PTPRN2: variants seen among roughly 807,000 people sequenced by gnomAD.
The protein encoded by PTPRN2 is protein tyrosine phosphatase receptor type N2.
A neutral mutation model predicts 118.8 loss-of-function variants in PTPRN2; 74 were observed. The observed-to-expected ratio is 0.62, with a 90% CI of 0.52 to 0.76. The LOEUF is 0.76. Among genes scored for constraint, PTPRN2 ranks in the 30% least tolerant of loss-of-function variants. PTPRN2 has a pLI of 0.00. For missense variants in PTPRN2, 1,481 were observed against 1,394.4 expected, an observed-to-expected ratio of 1.06 and a Z score of -0.99; for synonymous variants, 641 against 608.0, an observed-to-expected ratio of 1.05 and a Z score of -0.80.
chr7:157,942,316 C>T (rs939625312), intron 11 of PTPRN2, among the ~76,000 whole-genome samples: 8 of 152,182 alleles, frequency 5.3e-5, no homozygotes, highest in African/African-American at 7.2e-5. Flanking sequence ...TCAGAGCCCA[C>T]GGTGGGGTCC....
At position 158,043,139 on chromosome 7, in the gene PTPRN2, A is replaced by T. The variant is rs150554390; in HGVS notation, c.1723+38159T>A. On this transcript the variant is annotated intron_variant, in intron 11 of 22. Coordinates refer to ENST00000389418, the MANE Select transcript of PTPRN2 (RefSeq NM_002847.5). ...GGCAGGAGGATTACTTGAGCTCAGG[A>T]GTTCAACACCAGCCTCAGAAACATA... Among the ~76,000 whole-genome samples, 956 of 152,266 alleles carry T rather than the reference A, an allele frequency of 6.3e-3. 7 individuals carry two copies. The highest frequency in any genetic ancestry group is 0.024 in the Middle Eastern group (7 of 294).
chr7:158,173,387 A>G (rs1823892593), intron 5 of PTPRN2, among the ~76,000 whole-genome samples: 1 of 152,206 alleles, frequency 6.6e-6, no homozygotes, highest in African/African-American at 2.4e-5. Context: ...AGGTTCTGTG[A>G]TGCCCACCTG....
chr7:158,318,580 C>A (rs1279881416), intron 2 of PTPRN2, among the ~76,000 whole-genome samples: 1 of 152,210 alleles, frequency 6.6e-6, no homozygotes, highest in Non-Finnish European at 1.5e-5. Context: ...GCGGCCTCTT[C>A]CGATCCCTGA....
chr7:157,928,911 A>G (rs1354202702), intron 11 of PTPRN2, among the ~76,000 whole-genome samples: 1 of 151,718 alleles, frequency 6.6e-6, no homozygotes, highest in Non-Finnish European at 1.5e-5. Flanking sequence ...GGCCAGGCAG[A>G]GGGCTGGGAC....
At chr7:158,213,360 C>A (rs1348215354) in intron 3 of PTPRN2, among the ~76,000 whole-genome samples, 1 of 151,796 alleles carries the variant, frequency 6.6e-6, no homozygotes, top group African/African-American at 2.4e-5. Flanking sequence ...TTTTCACATG[C>A]AAATCTAGAT....
At chr7:157,540,827 T>C (rs1019783236) in intron 22 of PTPRN2, 42 bp from the exon 23 acceptor site, 3 of 1,468,898 alleles carry the variant, frequency 2.0e-6, no homozygotes, top group East Asian at 2.5e-5. Flanking sequence ...GAGAGCGGCG[T>C]CCCCCCGACT....
At chr7:158,167,590 T>C (rs936559754) in intron 5 of PTPRN2, among the ~76,000 whole-genome samples, 7 of 152,200 alleles carry the variant, frequency 4.6e-5, no homozygotes, top group Non-Finnish European at 7.4e-5. Flanking sequence ...TTTTAGTGTA[T>C]TCAGAGTTGT....
chr7:158,098,040 G>A (rs191667714), intron 10 of PTPRN2, among the ~76,000 whole-genome samples: 2 of 152,154 alleles, frequency 1.3e-5, no homozygotes, highest in Non-Finnish European at 2.9e-5. Context: ...ACCCCCGTCC[G>A]TCCCTCGAGC....
chr7:158,294,401 G>A (rs1245182112), intron 3 of PTPRN2, among the ~76,000 whole-genome samples: 1 of 152,160 alleles, frequency 6.6e-6, no homozygotes, highest in Non-Finnish European at 1.5e-5. Context: ...TTGTTTTCAT[G>A]TCTGGCTCCC....
intron 1 of PTPRN2, among the ~76,000 whole-genome samples, chr7:158,507,278 G>A (rs1394053271): frequency 1.3e-5 from 2 of 152,096 alleles, no homozygotes; most frequent in Non-Finnish European, 2.9e-5. Flanking sequence ...GCTGCAGTGT[G>A]CAGGAGACTG....
chr7:158,113,041 A>G (rs890484411), intron 9 of PTPRN2, among the ~76,000 whole-genome samples: 3 of 151,096 alleles, frequency 2.0e-5, no homozygotes, highest in African/African-American at 4.9e-5. Context: ...AGGGCCCCCC[A>G]GCATTGAGGG....
intron 12 of PTPRN2, among the ~76,000 whole-genome samples, chr7:157,810,062 G>T (rs1254342567): frequency 6.6e-6 from 1 of 152,216 alleles, no homozygotes; most frequent in East Asian, 1.9e-4. Context: ...CGGCAGAGAG[G>T]ACAGGGGAGC....
At chr7:158,165,187 T>A (rs1001881926) in intron 6 of PTPRN2, among the ~76,000 whole-genome samples, 42 of 22,808 alleles carry the variant, frequency 1.8e-3, no homozygotes, top group Non-Finnish European at 4.7e-3. Flanking sequence ...CCCACGAAAG[T>A]GCAGGAGGCA....
intron 2 of PTPRN2, among the ~76,000 whole-genome samples, chr7:158,403,463 A>G (rs1023458683): frequency 6.6e-6 from 1 of 152,236 alleles, no homozygotes; most frequent in Non-Finnish European, 1.5e-5. Flanking sequence ...TCGTTCTGCA[A>G]CAGCTCCCAG....
At chr7:158,272,291 T>C (rs1798565698) in intron 3 of PTPRN2, among the ~76,000 whole-genome samples, 1 of 152,208 alleles carries the variant, frequency 6.6e-6, no homozygotes, top group African/African-American at 2.4e-5. Context: ...GTGGTCTCCC[T>C]GCCTGGGCTG....
chr7:157,885,981 G>A lies in PTPRN2; in HGVS notation c.1788+12692C>T, dbSNP rs117799268. ...CTGTTGCTGCCACTGTGCTGCTGCC[G>A]TTCTGAAAAAGCTGCAGCAGGAGCT... On this transcript the variant is annotated intron_variant, in intron 12 of 22. Coordinates refer to ENST00000389418, the MANE Select transcript of PTPRN2 (RefSeq NM_002847.5). Among the ~76,000 whole-genome samples, 1,701 of 152,330 alleles carry A rather than the reference G, an allele frequency of 0.011. 142 individuals are homozygous for A. In the East Asian group the frequency reaches 0.22, roughly 20 times the overall value.
At chr7:158,370,134 A>G (rs1211327033) in intron 2 of PTPRN2, among the ~76,000 whole-genome samples, 1 of 152,202 alleles carries the variant, frequency 6.6e-6, no homozygotes, top group African/African-American at 2.4e-5. Context: ...CATAAGGACA[A>G]CTGCCTTTTA....
intron 4 of PTPRN2, among the ~76,000 whole-genome samples, chr7:158,195,075 G>A (rs1172385118): frequency 6.6e-6 from 1 of 152,186 alleles, no homozygotes. Flanking sequence ...TTTCCATCTG[G>A]CACCTTTCCC....
chr7:157,872,039 GCCTCCCCACACACACCCAGTGT>G (rs1811089706), intron 12 of PTPRN2, among the ~76,000 whole-genome samples: 1 of 99,600 alleles, frequency 1.0e-5, no homozygotes, highest in Admixed American at 1.1e-4. Flanking sequence ...CATACCCAGC[GCCTCCCCACACACACCCAGTGT>G]CCTCCCCACA....
Sources: allele counts gnomAD v4.1 joint callset (sites outside exome capture counted in the v4.1 genomes callset), GRCh38; gene constraint gnomAD v4.1.1; transcripts MANE v1.5; gene names NCBI Gene and HGNC (gene_info 2026-07-23, HGNC 2026-07-21).